Variants in NEO1 observed in about 807,000 individuals in gnomAD.
NEO1 encodes neogenin 1.
A neutral mutation model predicts 159.7 loss-of-function variants in NEO1; 63 were observed. The ratio of observed to expected loss-of-function variants is 0.39; its 90% CI spans 0.32 to 0.49. The LOEUF is 0.49. Among genes scored for constraint, NEO1 ranks in the 20% least tolerant of loss-of-function variants. NEO1 has a pLI of 0.85. For missense variants in NEO1, 1,615 were observed against 1,831.0 expected, an observed-to-expected ratio of 0.88 and a Z score of 2.15; for synonymous variants, 633 against 662.0, an observed-to-expected ratio of 0.96 and a Z score of 0.67.
intron 7 of NEO1, among the ~76,000 whole-genome samples, chr15:73,185,328 T>A (rs1411434698): frequency 6.6e-6 from 1 of 152,228 alleles, no homozygotes; most frequent in Non-Finnish European, 1.5e-5. Flanking sequence ...GTAATAAATG[T>A]ACCACTTTAG....
intron 24 of NEO1, 102 bp downstream of exon 24, chr15:73,288,653 A>G: frequency 4.4e-6 from 4 of 911,898 alleles, no homozygotes; most frequent in Non-Finnish European, 7.0e-6. Context: ...CAATTCCTAT[A>G]TGAGATCAGA....
chr15:73,084,012 A>G (rs1307536452), intron 1 of NEO1, among the ~76,000 whole-genome samples: 1 of 151,968 alleles, frequency 6.6e-6, no homozygotes, highest in Non-Finnish European at 1.5e-5. Context: ...AATTGAATAT[A>G]TTTATTGTGG....
chr15:73,226,916 C>G (rs1193207096), intron 7 of NEO1, among the ~76,000 whole-genome samples: 1 of 152,134 alleles, frequency 6.6e-6, no homozygotes, highest in African/African-American at 2.4e-5. Flanking sequence ...TGTAAATGTA[C>G]CTACTCACAG....
intron 7 of NEO1, among the ~76,000 whole-genome samples, chr15:73,179,823 C>T (rs2035495269): frequency 6.6e-6 from 1 of 151,656 alleles, no homozygotes; most frequent in South Asian, 2.1e-4. Flanking sequence ...TCTGTGTCAA[C>T]AGTTGATCTG....
chr15:73,081,868 T>G (rs1462689416), intron 1 of NEO1, among the ~76,000 whole-genome samples: 2 of 48,568 alleles, frequency 4.1e-5, no homozygotes, highest in African/African-American at 8.7e-5. Flanking sequence ...AATACTAGTA[T>G]TTTTTTTTTT....
chr15:73,279,345 G>GTTTT (rs34303412), intron 22 of NEO1, among the ~76,000 whole-genome samples: 7 of 77,796 alleles, frequency 9.0e-5, no homozygotes, highest in Non-Finnish European at 1.8e-4. Context: ...TGTTGTTTTG[G>GTTTT]TTTTGGTTTT....
At chr15:73,148,559 G>A (rs1206166211) in intron 5 of NEO1, among the ~76,000 whole-genome samples, 5 of 152,124 alleles carry the variant, frequency 3.3e-5, no homozygotes, top group Admixed American at 6.5e-5. Context: ...ACTGTTAAGG[G>A]TGTATTGATG....
chr15:73,142,985 A>AGT (rs2032547618), intron 5 of NEO1, among the ~76,000 whole-genome samples: 2 of 152,244 alleles, frequency 1.3e-5, no homozygotes, highest in Non-Finnish European at 2.9e-5. Flanking sequence ...AAAATGAAAT[A>AGT]AACTGAGTAA....
intron 2 of NEO1, among the ~76,000 whole-genome samples, chr15:73,121,813 C>T (rs1027912588): frequency 6.6e-5 from 10 of 152,062 alleles, no homozygotes; most frequent in African/African-American, 2.4e-4. Flanking sequence ...AAGCTCCCTT[C>T]AGTCTGACTT....
intron 1 of NEO1, among the ~76,000 whole-genome samples, chr15:73,092,995 C>G (rs2069782910): frequency 6.6e-6 from 1 of 152,014 alleles, no homozygotes; most frequent in African/African-American, 2.4e-5. Context: ...ATTGTTATGT[C>G]TTCTTGGGCT....
At chr15:73,291,091 C>A (rs1052491157) in intron 25 of NEO1, among the ~76,000 whole-genome samples, 1 of 152,156 alleles carries the variant, frequency 6.6e-6, no homozygotes. Context: ...CAGGGGAAAA[C>A]CATGGTTTCC....
At chr15:73,178,553 A>G in intron 7 of NEO1, 126 bp downstream of exon 7, 1 of 979,728 alleles carries the variant, frequency 1.0e-6, no homozygotes, top group Non-Finnish European at 1.4e-6. Context: ...GCTAAGAGAA[A>G]AAGAATAGCA....
At chr15:73,259,214 C>A (rs1418083500) in intron 14 of NEO1, 5 of 215,836 alleles carry the variant, frequency 2.3e-5, no homozygotes, top group Non-Finnish European at 9.4e-6. Context: ...TGCAGTTTCC[C>A]TTTTCTTTTA....
chr15:73,244,451 G>A lies in NEO1; in HGVS notation c.1559G>A (p.Gly520Asp), dbSNP rs2039650741. 26 of 1,613,814 alleles carry A rather than the reference G, an allele frequency of 1.6e-5. No homozygotes were observed. The highest frequency in any genetic ancestry group is 2.1e-5 in the Non-Finnish European group (25 of 1,179,926). The change falls in exon 9 of 29, where the codon GGC (glycine) becomes GAC (aspartate). Residue 520 changes from glycine (G) to aspartate (D), a missense_variant. Transcript: ENST00000261908. ...IFRVMAQNKHGSGESSAPLRV... is the reference protein window; with the variant it reads ...IFRVMAQNKHDSGESSAPLRV... ...AGAGTTATGGCTCAAAATAAGCATG[G>A]CTCAGGAGAGAGTTCAGCTCCACTG...
At chr15:73,063,376 T>C (rs1396292539) in intron 1 of NEO1, among the ~76,000 whole-genome samples, 3 of 152,138 alleles carry the variant, frequency 2.0e-5, no homozygotes, top group Non-Finnish European at 4.4e-5. Flanking sequence ...ATTCATGGAA[T>C]GTAAACTGTT....
At chr15:73,175,840 T>C (rs1463042243) in intron 5 of NEO1, among the ~76,000 whole-genome samples, 1 of 152,226 alleles carries the variant, frequency 6.6e-6, no homozygotes, top group Non-Finnish European at 1.5e-5. Context: ...TACTGGAATA[T>C]TCAGACTTTT....
At chr15:73,100,182 C>G (rs2070321118) in intron 1 of NEO1, among the ~76,000 whole-genome samples, 1 of 152,158 alleles carries the variant, frequency 6.6e-6, no homozygotes, top group South Asian at 2.1e-4. Flanking sequence ...TGTCATCACT[C>G]AGGAGCGCTA....
chr15:73,108,990 C>T (rs908741420), intron 1 of NEO1, among the ~76,000 whole-genome samples: 6 of 152,080 alleles, frequency 3.9e-5, no homozygotes, highest in Non-Finnish European at 1.5e-5. Context: ...ATCCTGTAGG[C>T]AGGCCATGGT....
At chr15:73,217,473 A>G (rs1414912034) in intron 7 of NEO1, among the ~76,000 whole-genome samples, 1 of 151,820 alleles carries the variant, frequency 6.6e-6, no homozygotes, top group African/African-American at 2.4e-5. Context: ...GAAGAAAGTC[A>G]TTGGTAGCTT....
Sources: gnomAD v4.1 joint callset for allele counts (sites outside exome capture counted in the v4.1 genomes callset) on GRCh38, gnomAD v4.1.1 for gene constraint, MANE v1.5 for transcripts, NCBI Gene and HGNC (gene_info 2026-07-23, HGNC 2026-07-21) for gene names.